Variants in SMYD2 observed in about 807,000 individuals in gnomAD.
SMYD2 encodes SET and MYND domain containing 2, also known as N-lysine methyltransferase SMYD2.
Under a neutral mutation model 59.1 loss-of-function variants are expected in SMYD2, and 53 were observed. The ratio of observed to expected loss-of-function variants is 0.90; its 90% CI spans 0.72 to 1.13. The LOEUF is 1.13. Ranked by LOEUF, SMYD2 falls within the 50% of genes most tolerant of loss-of-function variation. SMYD2 has a pLI of 0.00. For synonymous variants in SMYD2, 208 were observed against 198.8 expected, an observed-to-expected ratio of 1.05 and a Z score of -0.39; for missense variants, 494 against 544.7, an observed-to-expected ratio of 0.91 and a Z score of 0.93.
intron 5 of SMYD2, among the ~76,000 whole-genome samples, chr1:214,319,635 C>A (rs572946556): frequency 1.3e-5 from 2 of 151,840 alleles, no homozygotes; most frequent in Non-Finnish European, 2.9e-5. Context: ...ATTGTTAGGA[C>A]GAGAGAACAA....
At chr1:214,315,332 T>C (rs1228800965) in intron 3 of SMYD2, among the ~76,000 whole-genome samples, 2 of 151,984 alleles carry the variant, frequency 1.3e-5, no homozygotes, top group Non-Finnish European at 2.9e-5. Context: ...AGGCAAAGAA[T>C]TGGATGGAAC....
chr1:214,336,329 G>A lies in SMYD2; in HGVS notation c.1222-375G>A, dbSNP rs182677010. On this transcript the variant is annotated intron_variant, in intron 11 of 11. Transcript: ENST00000366957. ...GGGCGGATCACGAGGTCAGGAGATC[G>A]AGACCATCCTGGCTAACACAGTGAA... Among the ~76,000 whole-genome samples, 458 of 152,216 alleles carry A rather than the reference G, an allele frequency of 3.0e-3. 1 individual carries two copies. Among genetic ancestry groups the A allele is most frequent in the African/African-American group, 0.011 (441 of 41,522 alleles).
chr1:214,330,600 C>A (rs1369159494), intron 8 of SMYD2, among the ~76,000 whole-genome samples: 2 of 152,216 alleles, frequency 1.3e-5, no homozygotes, highest in Non-Finnish European at 2.9e-5. Context: ...AACCTGTTCA[C>A]CAGAATATGT....
At position 214,309,942 on chromosome 1, in the gene SMYD2, A is replaced by G. The variant is rs142649586; in HGVS notation, c.237+4692A>G. Among the ~76,000 whole-genome samples, 88 of 152,330 alleles carry G rather than the reference A, an allele frequency of 5.8e-4. 2 individuals carry two copies. In the East Asian group the frequency reaches 0.017, roughly 29 times the overall value. On this transcript the variant is annotated intron_variant, in intron 2 of 11. Coordinates refer to ENST00000366957, the MANE Select transcript of SMYD2 (RefSeq NM_020197.3). ...TTTTGCACACTTCTTCTCAAGGATC[A>G]TGCTAGTGGAAAGCAGAAATCCTGT...
rs956955293 is a variant in SMYD2 at position 214,303,339 on chromosome 1, C to T, written c.174-1848C>T. ...GTGCACATCACGCAGCGCTTGCTGA[C>T]GAGTCACTTCACCGTGATTTTTTAG... On this transcript the variant is annotated intron_variant, in intron 1 of 11. Coordinates refer to ENST00000366957, the MANE Select transcript of SMYD2 (RefSeq NM_020197.3). Among the ~76,000 whole-genome samples, 6 of 152,134 alleles carry T rather than the reference C, an allele frequency of 3.9e-5. No individual in the cohort carries two copies. The East Asian group carries it at 5.8e-4, about 15-fold the overall frequency.
chr1:214,285,792 A>C (rs1473047858), intron 1 of SMYD2, among the ~76,000 whole-genome samples: 1 of 152,220 alleles, frequency 6.6e-6, no homozygotes, highest in African/African-American at 2.4e-5. Context: ...GAGTGTACTT[A>C]CACAAAGCTA....
chr1:214,329,735 G>T (rs1657320035), intron 7 of SMYD2, among the ~76,000 whole-genome samples: 1 of 152,174 alleles, frequency 6.6e-6, no homozygotes, highest in African/African-American at 2.4e-5. Flanking sequence ...TGTGTGTGGT[G>T]TGTGCGTGCT....
At chr1:214,332,465 C>G (rs1657371995) in intron 10 of SMYD2, 1 of 295,388 alleles carries the variant, frequency 3.4e-6, no homozygotes, top group South Asian at 1.0e-4. Context: ...GTAGTTAACT[C>G]AGGCTAGTTT....
intron 1 of SMYD2, among the ~76,000 whole-genome samples, chr1:214,302,066 GCGCGGT>G (rs1407918437): frequency 6.6e-6 from 1 of 152,164 alleles, no homozygotes; most frequent in Non-Finnish European, 1.5e-5. Flanking sequence ...TTCCAGCCAG[GCGCGGT>G]ATCTCACGTC....
chr1:214,334,206 C>G lies in SMYD2; in HGVS notation c.1119C>G (p.His373Gln), dbSNP rs771049277. 6.2e-7 allele frequency: 1 copy of G among 1,613,806 alleles called. No individual in the cohort carries two copies. Among genetic ancestry groups the G allele is most frequent in the Admixed American group, 1.7e-5 (1 of 60,020 alleles). The part of the protein sequence containing the change: ...GQKIIKPYSK[H>Q]YPLYSLNVAS... ...GTCTCTTCTCTTGTTCTAGTAAGCA[C>G]TATCCTTTGTACTCCCTCAACGTGG... The change falls in exon 11 of 12, where the codon CAC (histidine) becomes CAG (glutamine). Residue 373 changes from histidine to glutamine, a missense_variant. His to Gln is a conservative substitution (Grantham distance 24, BLOSUM62 0). Coordinates refer to ENST00000366957, the MANE Select transcript of SMYD2 (RefSeq NM_020197.3).
intron 7 of SMYD2, among the ~76,000 whole-genome samples, chr1:214,328,911 C>T (rs1042122783): frequency 1.3e-5 from 2 of 152,198 alleles, no homozygotes; most frequent in African/African-American, 2.4e-5. Context: ...GTCACCCAGG[C>T]TCCAGTGCAC....
At chr1:214,308,999 A>G (rs1656958228) in intron 2 of SMYD2, among the ~76,000 whole-genome samples, 2 of 152,196 alleles carry the variant, frequency 1.3e-5, no homozygotes, top group African/African-American at 4.8e-5. Context: ...CCTCTCCAAG[A>G]GTGCTAAAGG....
chr1:214,311,074 GATTTT>G (rs1248212892), intron 2 of SMYD2, among the ~76,000 whole-genome samples: 1 of 152,158 alleles, frequency 6.6e-6, no homozygotes, highest in African/African-American at 2.4e-5. Context: ...CCAGCTACCT[GATTTT>G]AACTGCTATG....
intron 7 of SMYD2, among the ~76,000 whole-genome samples, chr1:214,328,672 C>T (rs1233277166): frequency 6.6e-6 from 1 of 152,184 alleles, no homozygotes; most frequent in African/African-American, 2.4e-5. Flanking sequence ...TAACTGTCAG[C>T]GTGCTGAATG....
At chr1:214,314,239 C>A (rs1442686709) in intron 2 of SMYD2, among the ~76,000 whole-genome samples, 1 of 152,046 alleles carries the variant, frequency 6.6e-6, no homozygotes, top group African/African-American at 2.4e-5. Context: ...GAAGTCCTAA[C>A]TATTCCTAAA....
intron 3 of SMYD2, among the ~76,000 whole-genome samples, chr1:214,317,504 C>G (rs1657105739): frequency 6.6e-6 from 1 of 152,234 alleles, no homozygotes; most frequent in South Asian, 2.1e-4. Flanking sequence ...CCTTTGAACT[C>G]TTGTCAACAC....
chr1:214,285,880 A>G (rs896203511), intron 1 of SMYD2, among the ~76,000 whole-genome samples: 4 of 152,226 alleles, frequency 2.6e-5, no homozygotes, highest in African/African-American at 9.6e-5. Context: ...ACAGCATGTT[A>G]CTGTACTGAA....
intron 10 of SMYD2, chr1:214,333,482 TTAAA>T (rs1657388544): frequency 6.6e-6 from 1 of 152,168 alleles, no homozygotes; most frequent in African/African-American, 2.4e-5. Flanking sequence ...AGCCTAGCCT[TTAAA>T]TAAACACCTC....
At chr1:214,315,552 C>G (rs1026914664) in intron 3 of SMYD2, among the ~76,000 whole-genome samples, 1 of 152,172 alleles carries the variant, frequency 6.6e-6, no homozygotes, top group Middle Eastern at 3.2e-3. Context: ...TGCAAACTTA[C>G]GCTCAAAGAG....
Sources: gnomAD v4.1 joint callset for allele counts (sites outside exome capture counted in the v4.1 genomes callset) on GRCh38, gnomAD v4.1.1 for gene constraint, MANE v1.5 for transcripts, NCBI Gene and HGNC (gene_info 2026-07-23, HGNC 2026-07-21) for gene names.